CNTN5: variants seen among roughly 807,000 people sequenced by gnomAD.
The protein encoded by CNTN5 is contactin-5.
Under a neutral mutation model 129.1 loss-of-function variants are expected in CNTN5, and 77 were observed. The ratio of observed to expected loss-of-function variants is 0.60; its 90% CI spans 0.50 to 0.72. CNTN5 has a LOEUF of 0.72. Ranked by LOEUF, CNTN5 falls within the 30% of genes least tolerant of loss-of-function variation. The pLI, the probability that CNTN5 is intolerant of heterozygous loss-of-function variation, is 0.00. For synonymous variants in CNTN5, 509 were observed against 465.6 expected, an observed-to-expected ratio of 1.09 and a Z score of -1.20; for missense variants, 1,478 against 1,328.8, an observed-to-expected ratio of 1.11 and a Z score of -1.75.
intron 2 of CNTN5, among the ~76,000 whole-genome samples, chr11:99,517,823 T>G (rs1947116198): frequency 6.6e-6 from 1 of 152,160 alleles, no homozygotes; most frequent in Non-Finnish European, 1.5e-5. Context: ...GTAACTTAAA[T>G]GTTTTTCTTT....
At chr11:99,573,555 C>A (rs1303277374) in intron 3 of CNTN5, among the ~76,000 whole-genome samples, 2 of 150,454 alleles carry the variant, frequency 1.3e-5, no homozygotes, top group African/African-American at 2.4e-5. Flanking sequence ...GGGCGACAGA[C>A]AGAGTGAGAC....
At chr11:99,250,584 T>G (rs1862046903) in intron 1 of CNTN5, among the ~76,000 whole-genome samples, 1 of 151,928 alleles carries the variant, frequency 6.6e-6, no homozygotes, top group Non-Finnish European at 1.5e-5. Flanking sequence ...GCTGAATTTT[T>G]TTTCCACTTA....
At chr11:99,765,024 TTTTACTTAAG>T (rs1209212279) in intron 3 of CNTN5, among the ~76,000 whole-genome samples, 1 of 152,126 alleles carries the variant, frequency 6.6e-6, no homozygotes, top group Non-Finnish European at 1.5e-5. Flanking sequence ...TTTTCATCCT[TTTTACTTAAG>T]TTTACCTATA....
At chr11:99,300,443 A>G (rs913230805) in intron 1 of CNTN5, among the ~76,000 whole-genome samples, 5 of 152,038 alleles carry the variant, frequency 3.3e-5, no homozygotes, top group African/African-American at 1.2e-4. Flanking sequence ...ATGTTGAACC[A>G]TCCTTGCATA....
At position 100,127,651 on chromosome 11, in the gene CNTN5, C is replaced by CTTTTTTTTT. The variant is rs66468227; in HGVS notation, c.1580+53373_1580+53381dup. The stretch of plus-strand genomic sequence containing the variant: ...ACAGACTTTCTGACTTTCTTTCTTT[C>CTTTTTTTTT]TTTTTTTTTTTTTTTTTTTTTTTTG... On this transcript the variant is annotated intron_variant, in intron 13 of 24. Coordinates refer to ENST00000524871, the MANE Select transcript of CNTN5 (RefSeq NM_014361.4). Among the ~76,000 whole-genome samples, 500 of 81,272 alleles carry CTTTTTTTTT rather than the reference C, an allele frequency of 6.2e-3. 4 individuals carry two copies. The highest frequency in any genetic ancestry group is 7.9e-3 in the Non-Finnish European group (352 of 44,798). The allele number at this position is 81,272 out of a possible 152,430, so 53.3% of individuals were successfully genotyped here.
At chr11:99,800,889 G>T (rs1301166682) in intron 3 of CNTN5, among the ~76,000 whole-genome samples, 1 of 151,984 alleles carries the variant, frequency 6.6e-6, no homozygotes, top group Admixed American at 6.6e-5. Flanking sequence ...TTGCCACTCT[G>T]TTCCTTTTAA....
intron 21 of CNTN5, chr11:100,309,631 T>A: frequency 4.1e-6 from 4 of 984,064 alleles, no homozygotes; most frequent in Non-Finnish European, 3.6e-6. Context: ...TTGTTCATCA[T>A]TAAATCTCAG....
intron 2 of CNTN5, among the ~76,000 whole-genome samples, chr11:99,368,423 C>T (rs1245005775): frequency 3.3e-5 from 5 of 151,558 alleles, no homozygotes; most frequent in Admixed American, 2.0e-4. Flanking sequence ...AGGAGGATCA[C>T]TTGAGCCCGG....
At chr11:99,331,698 T>A (rs955519604) in intron 2 of CNTN5, among the ~76,000 whole-genome samples, 1 of 152,160 alleles carries the variant, frequency 6.6e-6, no homozygotes, top group African/African-American at 2.4e-5. Flanking sequence ...TAAATTGCAA[T>A]GTTGTATTTA....
chr11:99,857,620 G>A (rs1353561135), intron 6 of CNTN5, among the ~76,000 whole-genome samples: 1 of 151,982 alleles, frequency 6.6e-6, no homozygotes, highest in African/African-American at 2.4e-5. Context: ...CCATTTTAAT[G>A]CAGTAATAAT....
intron 1 of CNTN5, among the ~76,000 whole-genome samples, chr11:99,072,552 G>A (rs1343435637): frequency 6.6e-6 from 1 of 151,976 alleles, no homozygotes; most frequent in African/African-American, 2.4e-5. Flanking sequence ...TACAACTGAG[G>A]TTGTACCTTA....
chr11:99,087,857 CT>C (rs1343677617), intron 1 of CNTN5, among the ~76,000 whole-genome samples: 1 of 152,158 alleles, frequency 6.6e-6, no homozygotes, highest in Non-Finnish European at 1.5e-5. Flanking sequence ...AAGACACAGT[CT>C]TCTTCCTGCA....
chr11:100,210,055 G>C (rs1276238690), intron 15 of CNTN5, among the ~76,000 whole-genome samples: 1 of 151,544 alleles, frequency 6.6e-6, no homozygotes, highest in Non-Finnish European at 1.5e-5. Flanking sequence ...AAATAGTCCA[G>C]CCTGCACACA....
chr11:100,078,225 G>A (rs1944222515), intron 13 of CNTN5, among the ~76,000 whole-genome samples: 1 of 151,916 alleles, frequency 6.6e-6, no homozygotes, highest in Non-Finnish European at 1.5e-5. Flanking sequence ...TATTTTTTAT[G>A]TGTATATATT....
In CNTN5 at chr11:99,985,310, C is replaced by G. The variant is rs12275227; in HGVS notation, c.878-16724C>G. Among the ~76,000 whole-genome samples the G allele has an allele frequency of 4.4e-3, 676 of 152,204 alleles. 6 individuals are homozygous for G. Among genetic ancestry groups the G allele is most frequent in the African/African-American group, 0.014 (602 of 41,536 alleles). On this transcript the variant is annotated intron_variant, in intron 8 of 24. Transcript: ENST00000524871. ...AGCAATGGAAATGGTTCTCAGCAGA[C>G]AGGGGAGCAGGAGAGGGGACAGGAC...
At chr11:99,080,033 C>T (rs996047421) in intron 1 of CNTN5, among the ~76,000 whole-genome samples, 23 of 152,110 alleles carry the variant, frequency 1.5e-4, no homozygotes, top group African/African-American at 5.6e-4. Flanking sequence ...CGAAGCCTAA[C>T]ACATTATAGA....
At chr11:99,580,365 C>A (rs1565316237) in intron 3 of CNTN5, among the ~76,000 whole-genome samples, 2 of 152,088 alleles carry the variant, frequency 1.3e-5, no homozygotes, top group Non-Finnish European at 2.9e-5. Flanking sequence ...AGGGAGGATT[C>A]CCTCTTTTTC....
intron 3 of CNTN5, among the ~76,000 whole-genome samples, chr11:99,709,421 G>A (rs1342559152): frequency 1.3e-5 from 2 of 151,622 alleles, no homozygotes; most frequent in Non-Finnish European, 2.9e-5. Flanking sequence ...GTCTGTTTAA[G>A]TCATGTGTCT....
intron 2 of CNTN5, among the ~76,000 whole-genome samples, chr11:99,485,582 A>T (rs2135330151): frequency 6.6e-6 from 1 of 152,084 alleles, no homozygotes; most frequent in East Asian, 1.9e-4. Context: ...TTTACTGTGA[A>T]CCTAAAAATG....
Sources: allele counts gnomAD v4.1 joint callset (sites outside exome capture counted in the v4.1 genomes callset), GRCh38; gene constraint gnomAD v4.1.1; transcripts MANE v1.5; gene names NCBI Gene and HGNC (gene_info 2026-07-23, HGNC 2026-07-21).